Variants in PRDM2 observed in about 807,000 individuals in gnomAD.
PRDM2 encodes PR/SET domain 2.
In PRDM2, 30 loss-of-function variants were observed where a neutral mutation model predicts 130.0. The observed-to-expected ratio is 0.23, with a 90% CI of 0.17 to 0.31. The LOEUF (loss-of-function observed/expected upper bound fraction) is 0.31, where lower values mean the gene tolerates loss of function less well. PRDM2 is among the 10% of genes least tolerant of loss of function. PRDM2 has a pLI of 1.00. For synonymous variants in PRDM2, 871 were observed against 782.4 expected, an observed-to-expected ratio of 1.11 and a Z score of -1.89; for missense variants, 2,011 against 2,108.4, an observed-to-expected ratio of 0.95 and a Z score of 0.90.
At chr1:13,708,586 C>T (rs1642277754) in intron 1 of PRDM2, among the ~76,000 whole-genome samples, 1 of 152,200 alleles carries the variant, frequency 6.6e-6, no homozygotes, top group Non-Finnish European at 1.5e-5. Flanking sequence ...TTCGGGGAGT[C>T]AGGGCCTGCG....
intron 8 of PRDM2, among the ~76,000 whole-genome samples, chr1:13,801,828 A>G (rs145104866): frequency 9.9e-4 from 151 of 152,306 alleles, no homozygotes; most frequent in Non-Finnish European, 1.8e-3. Flanking sequence ...TTCATTCCAC[A>G]TGCGCCACCT....
chr1:13,741,890 T>A, intron 4 of PRDM2, 115 bp from the exon 5 acceptor site: 1 of 805,286 alleles, frequency 1.2e-6, no homozygotes, highest in Non-Finnish European at 2.0e-6. Flanking sequence ...ATGAAATGCT[T>A]TATATAGAGT....
intron 6 of PRDM2, among the ~76,000 whole-genome samples, chr1:13,755,347 T>C (rs1195443570): frequency 1.3e-5 from 2 of 152,242 alleles, no homozygotes; most frequent in African/African-American, 2.4e-5. Flanking sequence ...TTAAAAAGTT[T>C]TAAATATCAT....
intron 7 of PRDM2, among the ~76,000 whole-genome samples, chr1:13,774,361 A>T (rs1644424418): frequency 6.6e-6 from 1 of 152,250 alleles, no homozygotes; most frequent in Non-Finnish European, 1.5e-5. Flanking sequence ...TCTTTTAAGA[A>T]ATATTTGTAG....
At chr1:13,811,162 C>T (rs994424202) in intron 8 of PRDM2, among the ~76,000 whole-genome samples, 6 of 151,810 alleles carry the variant, frequency 4.0e-5, no homozygotes, top group Admixed American at 1.3e-4. Flanking sequence ...CCAGCCTGAG[C>T]GACAGAGTGA....
intron 6 of PRDM2, among the ~76,000 whole-genome samples, chr1:13,756,220 G>A (rs1399112470): frequency 1.4e-5 from 2 of 147,766 alleles, no homozygotes; most frequent in Admixed American, 6.8e-5. Context: ...CCGAGATTGC[G>A]CCACAGCACT....
intron 3 of PRDM2, among the ~76,000 whole-genome samples, chr1:13,732,369 A>G (rs1643137792): frequency 6.6e-6 from 1 of 152,198 alleles, no homozygotes; most frequent in Non-Finnish European, 1.5e-5. Flanking sequence ...TGTTCATTAG[A>G]GACAATTTGA....
intron 8 of PRDM2, chr1:13,786,651 A>G (rs1644747405): frequency 7.1e-6 from 11 of 1,549,816 alleles, no homozygotes; most frequent in African/African-American, 1.4e-5. Flanking sequence ...AAGCTGACTC[A>G]AAAATCCTAA....
rs756598496 is a variant in PRDM2 at position 13,780,940 on chromosome 1, CCAA to C, written c.3148_3150del (p.Thr1050del). 6.2e-7 allele frequency: 1 copy of C among 1,611,590 alleles called. No homozygotes were observed. Among genetic ancestry groups the C allele is most frequent in the South Asian group, 1.1e-5 (1 of 91,006 alleles). ...GATGTCTGCCGCCTCACCCGGGCCTCCAACACTTTCTTCTTCCTCCTCTTCATC... is the reference window on the plus strand; with the variant it reads ...GATGTCTGCCGCCTCACCCGGGCCTCCACTTTCTTCTTCCTCCTCTTCATC... On this transcript the variant is annotated inframe_deletion, in exon 8 of 10. Transcript: ENST00000311066.
intron 1 of PRDM2, among the ~76,000 whole-genome samples, chr1:13,707,927 G>A (rs1218096629): frequency 6.6e-6 from 1 of 151,896 alleles, no homozygotes; most frequent in African/African-American, 2.4e-5. Flanking sequence ...TAATAAGGGG[G>A]TTGCAGGGAA....
chr1:13,718,166 A>T (rs1385804330), intron 2 of PRDM2, among the ~76,000 whole-genome samples: 1 of 152,228 alleles, frequency 6.6e-6, no homozygotes, highest in Non-Finnish European at 1.5e-5. Context: ...GATATAAAAA[A>T]GTTTGAACTT....
chr1:13,786,677 C>G, intron 8 of PRDM2: 1 of 1,510,936 alleles, frequency 6.6e-7, no homozygotes, highest in East Asian at 2.3e-5. Context: ...AGCTGATTGC[C>G]GGCAGGCTTA....
rs943910345 is a variant in PRDM2 at position 13,806,223 on chromosome 1, G to A, written c.5037-10204G>A. Among the ~76,000 whole-genome samples the A allele has an allele frequency of 6.6e-6, 1 of 150,832 alleles. No homozygotes were observed. The highest frequency in any genetic ancestry group is 2.5e-5 in the African/African-American group (1 of 40,654). On this transcript the variant is annotated intron_variant, in intron 8 of 9. Transcript: ENST00000311066. The surrounding 1 kb of genome is among the most constrained non-coding windows in gnomAD (Gnocchi z 4.1). ...TCCCAGTCTCTGCACATTACCAGCT[G>A]CTCCCCCGCATCCCGCCTCCATCCC...
At chr1:13,822,033 T>C (rs1645361039) in intron 9 of PRDM2, among the ~76,000 whole-genome samples, 2 of 152,206 alleles carry the variant, frequency 1.3e-5, no homozygotes, top group Admixed American at 1.3e-4. Context: ...ATGAGGGTTG[T>C]TGTGAACATC....
At chr1:13,794,226 ACCT>A (rs1488547744) in intron 8 of PRDM2, among the ~76,000 whole-genome samples, 2 of 152,036 alleles carry the variant, frequency 1.3e-5, no homozygotes, top group Non-Finnish European at 2.9e-5. Flanking sequence ...ATCAGCTGGC[ACCT>A]CCTCCAAGAA....
intron 1 of PRDM2, among the ~76,000 whole-genome samples, chr1:13,707,413 T>C (rs1426411119): frequency 2.0e-5 from 3 of 152,252 alleles, no homozygotes; most frequent in Admixed American, 6.5e-5. Flanking sequence ...CATTTTGTTT[T>C]GGGAATTGTG....
intron 1 of PRDM2, among the ~76,000 whole-genome samples, chr1:13,701,213 A>G (rs1274827013): frequency 6.6e-6 from 1 of 151,918 alleles, no homozygotes; most frequent in East Asian, 1.9e-4. Flanking sequence ...TTTTGGGTGT[A>G]TTTGAGACGT....
chr1:13,763,785 A>G (rs936339021), intron 6 of PRDM2, among the ~76,000 whole-genome samples: 4 of 152,190 alleles, frequency 2.6e-5, no homozygotes, highest in South Asian at 2.1e-4. Flanking sequence ...AGAAAATACA[A>G]TCAGATAGAA....
intron 2 of PRDM2, among the ~76,000 whole-genome samples, chr1:13,724,780 A>G (rs1642853264): frequency 6.6e-6 from 1 of 152,204 alleles, no homozygotes; most frequent in Admixed American, 6.5e-5. Flanking sequence ...TTTAAGGGAA[A>G]ATGTATAAAA....
Sources: allele counts gnomAD v4.1 joint callset (sites outside exome capture counted in the v4.1 genomes callset), GRCh38; gene constraint gnomAD v4.1.1; non-coding constraint Gnocchi (gnomAD v3.1); transcripts MANE v1.5; gene names NCBI Gene and HGNC (gene_info 2026-07-23, HGNC 2026-07-21).